CNTNAP2: variants seen among roughly 807,000 people sequenced by gnomAD.
The protein encoded by CNTNAP2 is contactin-associated protein-like 2.
Under a neutral mutation model 155.2 loss-of-function variants are expected in CNTNAP2, and 98 were observed. That is an observed-to-expected ratio of 0.63 (90% confidence interval 0.54 to 0.75). The LOEUF (loss-of-function observed/expected upper bound fraction) is 0.75, where lower values mean the gene tolerates loss of function less well. Among genes scored for constraint, CNTNAP2 ranks in the 30% least tolerant of loss-of-function variants. The pLI, the probability that CNTNAP2 is intolerant of heterozygous loss-of-function variation, is 0.00. For missense variants in CNTNAP2, 1,727 were observed against 1,688.1 expected (o/e 1.02, Z -0.40); for synonymous variants, 651 against 631.2 (o/e 1.03, Z -0.47).
intron 15 of CNTNAP2, among the ~76,000 whole-genome samples, chr7:148,105,343 G>A (rs994671905): frequency 1.3e-5 from 2 of 152,154 alleles, no homozygotes; most frequent in African/African-American, 4.8e-5. Context: ...AGAGGAAACA[G>A]TGCAAATAAA....
chr7:148,315,396 C>T (rs542918082), intron 21 of CNTNAP2, among the ~76,000 whole-genome samples: 1 of 151,908 alleles, frequency 6.6e-6, no homozygotes, highest in African/African-American at 2.4e-5. Context: ...CTCTGGCGGG[C>T]AGGAGTGGGG....
chr7:147,374,397 A>T (rs1584908290), intron 9 of CNTNAP2, among the ~76,000 whole-genome samples: 1 of 152,222 alleles, frequency 6.6e-6, no homozygotes, highest in South Asian at 2.1e-4. Context: ...CTTCAACCAC[A>T]ATTTAAACAT....
chr7:148,044,607 A>G (rs530057759), intron 15 of CNTNAP2: 9 of 152,382 alleles, frequency 5.9e-5, no homozygotes, highest in Admixed American at 2.6e-4. Flanking sequence ...ATGTGAGGAC[A>G]CTGCTGGAAG....
chr7:146,569,009 A>ATTAT (rs1584985588), intron 1 of CNTNAP2, among the ~76,000 whole-genome samples: 1 of 151,012 alleles, frequency 6.6e-6, no homozygotes, highest in Admixed American at 6.6e-5. Flanking sequence ...TTTATTTTTA[A>ATTAT]TTATTTATTT....
intron 8 of CNTNAP2, among the ~76,000 whole-genome samples, chr7:147,265,242 GGTTT>G (rs1488823325): frequency 6.6e-6 from 1 of 152,180 alleles, no homozygotes; most frequent in Non-Finnish European, 1.5e-5. Flanking sequence ...AGGACGTGCA[GGTTT>G]GTTACACAGA....
intron 13 of CNTNAP2, among the ~76,000 whole-genome samples, chr7:147,706,737 T>C (rs1330074620): frequency 6.6e-6 from 1 of 152,170 alleles, no homozygotes; most frequent in Non-Finnish European, 1.5e-5. Flanking sequence ...CCTTTTGTTT[T>C]CTCTTCACCT....
At chr7:146,981,255 A>G (rs1408299549) in intron 3 of CNTNAP2, among the ~76,000 whole-genome samples, 1 of 152,212 alleles carries the variant, frequency 6.6e-6, no homozygotes, top group East Asian at 1.9e-4. Flanking sequence ...AACTTATTGG[A>G]AGAAATAAGA....
intron 1 of CNTNAP2, among the ~76,000 whole-genome samples, chr7:146,412,093 A>G (rs1036929992): frequency 6.6e-6 from 1 of 152,106 alleles, no homozygotes; most frequent in African/African-American, 2.4e-5. Context: ...TTGGCCTCCC[A>G]AAGTGCTGGG....
At chr7:147,571,282 C>T (rs1433509120) in intron 12 of CNTNAP2, among the ~76,000 whole-genome samples, 3 of 118,222 alleles carry the variant, frequency 2.5e-5, no homozygotes, top group African/African-American at 9.8e-5. Flanking sequence ...CCCCCCACCC[C>T]ACAACAGTCC....
intron 23 of CNTNAP2, among the ~76,000 whole-genome samples, chr7:148,412,731 GAATA>G (rs946597893): frequency 6.8e-4 from 103 of 152,252 alleles, no homozygotes; most frequent in African/African-American, 2.4e-3. Flanking sequence ...GTACAAAAGT[GAATA>G]AATATTGAGA....
chr7:146,954,015 C>G (rs1326603899), intron 3 of CNTNAP2, among the ~76,000 whole-genome samples: 1 of 151,882 alleles, frequency 6.6e-6, no homozygotes, highest in African/African-American at 2.4e-5. Flanking sequence ...TTTGATACCA[C>G]CATATAACGT....
At chr7:147,894,743 GGGCGC>G (rs1402926755) in intron 13 of CNTNAP2, among the ~76,000 whole-genome samples, 4 of 151,928 alleles carry the variant, frequency 2.6e-5, no homozygotes, top group African/African-American at 9.7e-5. Flanking sequence ...TTATCTCAGA[GGGCGC>G]CAGGATCATA....
chr7:146,392,876 G>A (rs1330507600), intron 1 of CNTNAP2, among the ~76,000 whole-genome samples: 1 of 152,180 alleles, frequency 6.6e-6, no homozygotes, highest in African/African-American at 2.4e-5. Context: ...CAAATCTTCC[G>A]TTGAAAGAAA....
At chr7:146,180,299 TTC>T (rs1457084406) in intron 1 of CNTNAP2, among the ~76,000 whole-genome samples, 1 of 152,038 alleles carries the variant, frequency 6.6e-6, no homozygotes, top group African/African-American at 2.4e-5. Flanking sequence ...TTTCATTTTT[TTC>T]TTTTTTTCTT....
chr7:147,110,370 T>G (rs1563079997), intron 5 of CNTNAP2, among the ~76,000 whole-genome samples: 2 of 152,104 alleles, frequency 1.3e-5, no homozygotes, highest in Non-Finnish European at 2.9e-5. Flanking sequence ...TTTTCTTTTT[T>G]TTTTTTAAAT....
At chr7:146,841,868 G>A (rs897860542) in intron 3 of CNTNAP2, among the ~76,000 whole-genome samples, 2 of 150,140 alleles carry the variant, frequency 1.3e-5, no homozygotes, top group Non-Finnish European at 3.0e-5. Flanking sequence ...GGATAAAATT[G>A]TTCAGCTTGT....
intron 10 of CNTNAP2, among the ~76,000 whole-genome samples, chr7:147,406,192 A>C (rs987249951): frequency 7.1e-6 from 1 of 140,076 alleles, no homozygotes; most frequent in African/African-American, 2.9e-5. Context: ...CAGAGAAAAA[A>C]GAAAAGGAAA....
intron 14 of CNTNAP2, among the ~76,000 whole-genome samples, chr7:147,971,438 A>G (rs28695668): frequency 0.13 from 19,664 of 152,118 alleles, 2,006 homozygotes; most frequent in African/African-American, 0.29. Context: ...CATTATCCCT[A>G]TACGATTCCC....
chr7:147,002,275 A>G (rs1474113448), intron 3 of CNTNAP2, among the ~76,000 whole-genome samples: 1 of 152,104 alleles, frequency 6.6e-6, no homozygotes, highest in Non-Finnish European at 1.5e-5. Context: ...CTTCAGAACC[A>G]TAAGAGTAAA....
Sources: gnomAD v4.1 joint callset for allele counts (sites outside exome capture counted in the v4.1 genomes callset) on GRCh38, gnomAD v4.1.1 for gene constraint, MANE v1.5 for transcripts, NCBI Gene and HGNC (gene_info 2026-07-23, HGNC 2026-07-21) for gene names.